The following OIT3 variants were observed in gnomAD, a reference collection of about 807,000 sequenced individuals.
OIT3 encodes the protein oncoprotein induced transcript 3.
OIT3 carries 41 observed loss-of-function variants against 52.2 expected under a neutral mutation model. The ratio of observed to expected loss-of-function variants is 0.79; its 90% CI spans 0.61 to 1.02. The LOEUF is 1.02. OIT3 is among the 50% of genes least tolerant of loss of function. The pLI, the probability that OIT3 is intolerant of heterozygous loss-of-function variation, is 0.00. For missense variants in OIT3, 634 were observed against 715.5 expected (o/e 0.89, Z 1.30); for synonymous variants, 244 against 276.9 (o/e 0.88, Z 1.18).
At chr10:72,905,158 C>T (rs1004411850) in intron 3 of OIT3, among the ~76,000 whole-genome samples, 3 of 152,192 alleles carry the variant, frequency 2.0e-5, no homozygotes, top group African/African-American at 7.2e-5. Context: ...TTAGGCCTCA[C>T]CTCCAACATC....
At chr10:72,912,471 A>C (rs761548881) in intron 5 of OIT3, among the ~76,000 whole-genome samples, 1 of 151,886 alleles carries the variant, frequency 6.6e-6, no homozygotes, top group African/African-American at 2.4e-5. Flanking sequence ...GGGTTTCACC[A>C]TGTTGGCCAG....
Position 72,898,697 on chromosome 10 carries a change from A to G in OIT3, c.95A>G (p.Asn32Ser), listed in dbSNP as rs766470820. ...CCTTGTTCTGCTTACATCAGCCTGA[A>G]TGAGCCCTGGAGGAACACTGACCAC... is the stretch of plus-strand genomic sequence containing the variant. ...LDPCSAYISL[N>S]EPWRNTDHQL... The change falls in exon 2 of 9, where the codon AAT becomes AGT. Residue 32 changes from asparagine (N) to serine (S), a missense_variant. Physicochemically the swap from Asn to Ser is conservative, Grantham distance 46 (BLOSUM62 1). Transcript: ENST00000334011. 8 of 1,613,664 alleles carry G rather than the reference A, an allele frequency of 5.0e-6. No individual in the cohort carries two copies. Among genetic ancestry groups the G allele is most frequent in the African/African-American group, 2.7e-5 (2 of 75,038 alleles).
chr10:72,913,350 C>T lies in OIT3; in HGVS notation c.833C>T (p.Pro278Leu). ...TCAAATGCCATTGAAGTGAACATCC[C>T]CAGGGAGCTGGTTGGTGGCCTGGAG... is the stretch of plus-strand genomic sequence containing the variant. ...CKSNAIEVNI[P>L]RELVGGLELF... is the part of the protein sequence containing the mutation. The change falls in exon 6 of 9, where the codon CCC becomes CTC. Residue 278 changes from proline (P) to leucine (L), a missense_variant. Transcript: ENST00000334011. 1 of 1,613,384 alleles carries T rather than the reference C, an allele frequency of 6.2e-7. No homozygotes were observed. Among genetic ancestry groups the T allele is most frequent in the Non-Finnish European group, 8.5e-7 (1 of 1,179,434 alleles).
intron 6 of OIT3, chr10:72,917,981 A>G (rs1349818511): frequency 2.5e-6 from 2 of 804,812 alleles, no homozygotes; most frequent in Non-Finnish European, 4.3e-6. Context: ...CATTATCTTC[A>G]TCATTATCAT....
At chr10:72,908,814 A>G (rs772898824) in intron 4 of OIT3, among the ~76,000 whole-genome samples, 1 of 152,136 alleles carries the variant, frequency 6.6e-6, no homozygotes, top group Non-Finnish European at 1.5e-5. Context: ...TGTGAGTTAT[A>G]CTTTAGGATT....
intron 4 of OIT3, among the ~76,000 whole-genome samples, chr10:72,908,016 G>A (rs1845995255): frequency 6.6e-6 from 1 of 152,150 alleles, no homozygotes; most frequent in Non-Finnish European, 1.5e-5. Context: ...ACTGTGGCGG[G>A]TGGATCACTT....
chr10:72,916,155 CTTAGTT>C (rs1210421996), intron 6 of OIT3, among the ~76,000 whole-genome samples: 2 of 152,144 alleles, frequency 1.3e-5, no homozygotes, highest in African/African-American at 4.8e-5. Context: ...GTCTTTGAAG[CTTAGTT>C]TTATTTTTAT....
chr10:72,918,064 G>C (rs1846089375), intron 6 of OIT3: 1 of 1,006,598 alleles, frequency 9.9e-7, no homozygotes, highest in Non-Finnish European at 1.6e-6. Flanking sequence ...TCAGCAGCAA[G>C]TTTTACTTTT....
rs1293494239 is a variant in OIT3 at position 72,924,405 on chromosome 10, A to G, written c.1128A>G (p.Pro376=). Residue 376 remains proline (P), a synonymous_variant, in exon 7 of 9, where the codon CCA becomes CCG. Transcript: ENST00000334011. ...ACGTTCCCAACCTTCGAAACTCCCC[A>G]CTGGAAATCATGAGCCGAAATCATG... ...EGYVPNLRNS[P]LEIMSRNHGI... 1.9e-6 allele frequency: 3 copies of G among 1,614,032 alleles called. No individual in the cohort carries two copies. Among genetic ancestry groups the G allele is most frequent in the East Asian group, 2.2e-5 (1 of 44,862 alleles).
At position 72,932,395 on chromosome 10, in the gene OIT3, G is replaced by C; in HGVS notation, c.1509G>C (p.Leu503Phe). The C allele has an allele frequency of 1.2e-6, 2 of 1,614,180 alleles. No homozygotes were observed. The highest frequency in any genetic ancestry group is 1.7e-6 in the Non-Finnish European group (2 of 1,180,020). The change falls in exon 9 of 9, where the codon TTG (leucine) becomes TTC (phenylalanine). Residue 503 changes from leucine (L) to phenylalanine (F), a missense_variant. Physicochemically the swap from Leu to Phe is conservative, Grantham distance 22. Coordinates refer to ENST00000334011, the MANE Select transcript of OIT3 (RefSeq NM_152635.3). Reference sequence around the variant, plus strand: ...GCCGGGTTCTTGTCTGTGGAGTGTTGGACGAGCGTTCCCGCTGTGCCCAGG... The same window carrying C: ...GCCGGGTTCTTGTCTGTGGAGTGTTCGACGAGCGTTCCCGCTGTGCCCAGG... ...LHCRVLVCGV[L>F]DERSRCAQGC...
rs572686971 is a variant in OIT3, at chr10:72,924,395, G to A, written c.1118G>A (p.Arg373Gln). 17 of 1,613,902 alleles carry A rather than the reference G, an allele frequency of 1.1e-5. No individual in the cohort carries two copies. Among genetic ancestry groups the A allele is most frequent in the South Asian group, 6.6e-5 (6 of 91,072 alleles). ...TISEGYVPNL[R>Q]NSPLEIMSRN... is the part of the protein sequence containing the mutation. ...TCTGAAGGATACGTTCCCAACCTTC[G>A]AAACTCCCCACTGGAAATCATGAGC... Residue 373 changes from arginine (R) to glutamine (Q), a missense_variant, in exon 7 of 9, where the codon CGA (arginine) becomes CAA (glutamine). Arg to Gln is a conservative substitution (Grantham distance 43). Coordinates refer to ENST00000334011, the MANE Select transcript of OIT3 (RefSeq NM_152635.3).
intron 3 of OIT3, 25 bp from the exon 4 acceptor site, chr10:72,906,571 A>G: frequency 6.2e-7 from 1 of 1,613,688 alleles, no homozygotes. Context: ...AGCAGTATAG[A>G]AACAGTGTGG....
chr10:72,931,297 C>T (rs1846214461), intron 8 of OIT3, among the ~76,000 whole-genome samples: 2 of 152,066 alleles, frequency 1.3e-5, no homozygotes, highest in Admixed American at 6.6e-5. Context: ...TTGAGACCAG[C>T]CTGGGCAACA....
chr10:72,928,365 T>C (rs936032984), intron 7 of OIT3, among the ~76,000 whole-genome samples: 1 of 152,258 alleles, frequency 6.6e-6, no homozygotes, highest in African/African-American at 2.4e-5. Context: ...AATTCGGTGC[T>C]CGGAACTAGC....
At position 72,898,615 on chromosome 10, in the gene OIT3, T is replaced by G. The variant is rs1195609441; in HGVS notation, c.62-49T>G. 3 of 1,530,306 alleles carry G rather than the reference T, an allele frequency of 2.0e-6. No individual in the cohort carries two copies. The Admixed American group carries it at 5.8e-5, about 30-fold the overall frequency. 94.8% of individuals were successfully genotyped at this position (1,530,306 alleles called of 1,614,324 possible). A position where few individuals can be genotyped will look rare whatever the true frequency, so the allele number is the denominator to read the frequency against. On this transcript the variant is annotated intron_variant, in intron 1 of 8. Coordinates refer to ENST00000334011, the MANE Select transcript of OIT3 (RefSeq NM_152635.3). The stretch of plus-strand genomic sequence containing the variant: ...GAAGTTGGACTTGGGCTGTTGGTGG[T>G]GTGATCCGAAACACTCCAGGTACTC...
intron 4 of OIT3, among the ~76,000 whole-genome samples, chr10:72,907,635 G>T (rs1007078359): frequency 6.6e-6 from 1 of 152,140 alleles, no homozygotes; most frequent in Non-Finnish European, 1.5e-5. Flanking sequence ...TTCCACGGGT[G>T]ATTTTTATCA....
At chr10:72,908,380 G>A (rs1459161276) in intron 4 of OIT3, among the ~76,000 whole-genome samples, 1 of 152,024 alleles carries the variant, frequency 6.6e-6, no homozygotes, top group Admixed American at 6.5e-5. Context: ...TTAAATTTGT[G>A]GAATAATAGA....
intron 2 of OIT3, among the ~76,000 whole-genome samples, chr10:72,900,057 CCCTAGATT>C (rs1845918138): frequency 6.6e-6 from 1 of 152,108 alleles, no homozygotes. Flanking sequence ...ACAGAAGATG[CCCTAGATT>C]GTTGTTTTCC....
intron 7 of OIT3, among the ~76,000 whole-genome samples, chr10:72,929,831 C>T (rs1440454646): frequency 6.6e-6 from 1 of 152,172 alleles, no homozygotes; most frequent in Non-Finnish European, 1.5e-5. Flanking sequence ...GCGTGAGCCA[C>T]CTCGCCCAGC....
Sources: gnomAD v4.1 joint callset for allele counts (sites outside exome capture counted in the v4.1 genomes callset) on GRCh38, gnomAD v4.1.1 for gene constraint, MANE v1.5 for transcripts, NCBI Gene and HGNC (gene_info 2026-07-23, HGNC 2026-07-21) for gene names.